Variants in CDH13 observed in about 807,000 individuals in gnomAD.
CDH13 encodes cadherin 13.
In CDH13, 24 loss-of-function variants were observed where a neutral mutation model predicts 63.8. That is an observed-to-expected ratio of 0.38 (90% CI 0.27 to 0.53). The LOEUF is 0.53. Ranked by LOEUF, CDH13 falls within the 20% of genes least tolerant of loss-of-function variation. CDH13 has a pLI of 0.85. For synonymous variants in CDH13, 503 were observed against 355.3 expected, an observed-to-expected ratio of 1.42 and a Z score of -4.67; for missense variants, 1,049 against 903.1, an observed-to-expected ratio of 1.16 and a Z score of -2.07.
chr16:82,980,194 A>T (rs1313546781), intron 2 of CDH13, among the ~76,000 whole-genome samples: 1 of 152,062 alleles, frequency 6.6e-6, no homozygotes, highest in Admixed American at 6.5e-5. Flanking sequence ...CGTGTCTGAG[A>T]CCTTCCTTTG....
intron 3 of CDH13, among the ~76,000 whole-genome samples, chr16:83,083,782 A>G (rs1215355995): frequency 6.6e-6 from 1 of 152,204 alleles, no homozygotes; most frequent in African/African-American, 2.4e-5. Context: ...TAGTTGTTTA[A>G]CATACCTAAT....
At chr16:82,688,342 A>G (rs1860332640) in intron 1 of CDH13, among the ~76,000 whole-genome samples, 1 of 152,230 alleles carries the variant, frequency 6.6e-6, no homozygotes, top group South Asian at 2.1e-4. Context: ...CATATGCCTT[A>G]GGCTCACTTT....
chr16:83,302,571 A>G (rs765310887), intron 5 of CDH13, among the ~76,000 whole-genome samples: 3 of 152,238 alleles, frequency 2.0e-5, no homozygotes, highest in Non-Finnish European at 4.4e-5. Flanking sequence ...GAGCTATTCA[A>G]CAAAGTCAAT....
At chr16:83,531,700 A>G (rs959235067) in intron 7 of CDH13, among the ~76,000 whole-genome samples, 24 of 152,142 alleles carry the variant, frequency 1.6e-4, no homozygotes, top group Non-Finnish European at 2.1e-4. Context: ...CTAACCCAGA[A>G]ATGAATTCAG....
intron 2 of CDH13, among the ~76,000 whole-genome samples, chr16:82,937,747 C>G (rs1567677418): frequency 6.6e-6 from 1 of 152,192 alleles, no homozygotes. Flanking sequence ...TCCATAATAT[C>G]TGTTTGTCCA....
At chr16:83,395,955 A>G (rs890822635) in intron 6 of CDH13, among the ~76,000 whole-genome samples, 1 of 151,942 alleles carries the variant, frequency 6.6e-6, no homozygotes, top group African/African-American at 2.4e-5. Flanking sequence ...CCCTCCTCCC[A>G]TCCTCCACCC....
At chr16:83,203,461 C>A (rs1335623613) in intron 4 of CDH13, among the ~76,000 whole-genome samples, 1 of 151,600 alleles carries the variant, frequency 6.6e-6, no homozygotes, top group Admixed American at 6.6e-5. Flanking sequence ...CCAAGGCGGG[C>A]GGATCATGAG....
intron 1 of CDH13, among the ~76,000 whole-genome samples, chr16:82,813,602 C>T (rs895674139): frequency 1.3e-5 from 2 of 152,080 alleles, no homozygotes; most frequent in African/African-American, 4.8e-5. Context: ...TGCTTGTGGC[C>T]ACTCGCTGTG....
intron 5 of CDH13, among the ~76,000 whole-genome samples, chr16:83,226,355 C>G (rs2039838307): frequency 5.3e-5 from 8 of 152,214 alleles, no homozygotes; most frequent in Admixed American, 5.2e-4. Context: ...TGCTTCCTCA[C>G]TCAGGGCTAT....
intron 4 of CDH13, among the ~76,000 whole-genome samples, chr16:83,189,007 C>T (rs569380425): frequency 2.6e-5 from 4 of 152,280 alleles, no homozygotes; most frequent in African/African-American, 7.2e-5. Context: ...CTGACATCTA[C>T]TCATCCTGCA....
At chr16:83,025,559 G>C (rs537365200) in intron 2 of CDH13, among the ~76,000 whole-genome samples, 4 of 152,226 alleles carry the variant, frequency 2.6e-5, no homozygotes, top group African/African-American at 9.6e-5. Context: ...CCTCCCATCG[G>C]CTTCCTCCCA....
intron 13 of CDH13, among the ~76,000 whole-genome samples, chr16:83,789,215 C>A (rs1250767168): frequency 1.3e-5 from 2 of 152,138 alleles, no homozygotes; most frequent in South Asian, 2.1e-4. Context: ...AAGTGGCCGA[C>A]CCACGTGTGC....
chr16:83,232,229 A>ATTT (rs2151804037), intron 5 of CDH13, among the ~76,000 whole-genome samples: 1 of 56,620 alleles, frequency 1.8e-5, no homozygotes, highest in African/African-American at 7.0e-5. Flanking sequence ...TTTTTTTTTA[A>ATTT]AAAAAAAAAA....
chr16:83,294,812 G>A (rs1385022333), intron 5 of CDH13, among the ~76,000 whole-genome samples: 1 of 151,992 alleles, frequency 6.6e-6, no homozygotes, highest in East Asian at 1.9e-4. Context: ...TACCCAAAAT[G>A]ATCCACAGAT....
At chr16:83,462,038 C>G (rs1376860145) in intron 6 of CDH13, among the ~76,000 whole-genome samples, 1 of 152,192 alleles carries the variant, frequency 6.6e-6, no homozygotes, top group Non-Finnish European at 1.5e-5. Flanking sequence ...TCTCATGAGT[C>G]TATAAGAGTA....
chr16:83,670,271 G>A (rs1914385446), intron 8 of CDH13, among the ~76,000 whole-genome samples: 1 of 152,198 alleles, frequency 6.6e-6, no homozygotes, highest in Non-Finnish European at 1.5e-5. Context: ...TGATTATGTT[G>A]TTATTTTGGG....
At chr16:83,539,035 G>C (rs188417531) in intron 7 of CDH13, among the ~76,000 whole-genome samples, 14 of 152,072 alleles carry the variant, frequency 9.2e-5, no homozygotes, top group East Asian at 7.7e-4. Context: ...ATCTTTGAGG[G>C]AGTCATCTGG....
intron 5 of CDH13, among the ~76,000 whole-genome samples, chr16:83,273,340 T>A (rs1474893429): frequency 1.3e-5 from 2 of 151,972 alleles, no homozygotes; most frequent in Non-Finnish European, 2.9e-5. Flanking sequence ...CCCCCAACCC[T>A]TCACCCTCAA....
intron 5 of CDH13, among the ~76,000 whole-genome samples, chr16:83,252,087 ATATATG>A (rs1398915981): frequency 6.8e-5 from 9 of 131,778 alleles, no homozygotes; most frequent in African/African-American, 1.2e-4. Flanking sequence ...GTATATATGT[ATATATG>A]TATATATATA....
Sources: gnomAD v4.1 joint callset for allele counts (sites outside exome capture counted in the v4.1 genomes callset) on GRCh38, gnomAD v4.1.1 for gene constraint, MANE v1.5 for transcripts, NCBI Gene and HGNC (gene_info 2026-07-23, HGNC 2026-07-21) for gene names.